The following PRKDC variants were observed in gnomAD, a reference collection of about 807,000 sequenced individuals.
PRKDC encodes the protein DNA-dependent protein kinase catalytic subunit.
A neutral mutation model predicts 486.9 loss-of-function variants in PRKDC; 82 were observed. The ratio of observed to expected loss-of-function variants is 0.17; its 90% CI spans 0.14 to 0.20. The LOEUF (loss-of-function observed/expected upper bound fraction) is 0.20, where lower values mean the gene tolerates loss of function less well. Among genes scored for constraint, PRKDC ranks in the 10% least tolerant of loss-of-function variants. PRKDC has a pLI of 1.00. For synonymous variants in PRKDC, 1,895 were observed against 1,837.0 expected (o/e 1.03, Z -0.81); for missense variants, 4,504 against 5,038.2 (o/e 0.89, Z 3.21).
rs777925179 is a variant in PRKDC, at chr8:47,857,201, C to A, written c.6564G>T (p.Glu2188Asp). 1 of 1,614,004 alleles carries A rather than the reference C, an allele frequency of 6.2e-7. No homozygotes were observed. Among genetic ancestry groups the A allele is most frequent in the Non-Finnish European group, 8.5e-7 (1 of 1,179,878 alleles). ...TCCATGAAAGAATAGTGGCCACTAT[C>A]TCAACCACCATGTAGTGAATTCCTT... ...GGEGIHYMVV[E>D]IVATILSWTG... The change falls in exon 49 of 86, where the codon GAG becomes GAT. Residue 2188 changes from glutamate (E) to aspartate (D), a missense_variant. Transcript: ENST00000314191.
rs2090206895 is a variant in PRKDC, at chr8:47,929,130, A to G, written c.2101T>C (p.Tyr701His). The G allele has an allele frequency of 1.3e-6, 2 of 1,578,118 alleles. No individual in the cohort carries two copies. The highest frequency in any genetic ancestry group is 8.6e-7 in the Non-Finnish European group (1 of 1,160,072). Reference sequence around the variant, plus strand: ...TTCACAAATAAAGCAAAGCAAGAATACTTTTCTGGGTCTTCAGGAGAGTGT... The same window carrying G: ...TTCACAAATAAAGCAAAGCAAGAATGCTTTTCTGGGTCTTCAGGAGAGTGT... ...LKHSPEDPEK[Y>H]SCFALFVKFG... The change falls in exon 19 of 86, where the codon TAT becomes CAT. Residue 701 changes from tyrosine to histidine, a missense_variant. Physicochemically the swap from Tyr to His is moderately conservative, Grantham distance 83. Coordinates refer to ENST00000314191, the MANE Select transcript of PRKDC (RefSeq NM_006904.7).
intron 61 of PRKDC, 92 bp from the exon 62 acceptor site, chr8:47,828,439 T>C (rs2154499300): frequency 2.8e-6 from 3 of 1,058,272 alleles, no homozygotes; most frequent in South Asian, 3.5e-5. Flanking sequence ...ATACAAACTG[T>C]TGCAAACACA....
In PRKDC at chr8:47,930,022, C is replaced by A. The variant is rs759945659; in HGVS notation, c.1893-10G>T. 5 of 1,590,878 alleles carry A rather than the reference C, an allele frequency of 3.1e-6. No homozygotes were observed. The Admixed American group carries it at 9.3e-5, about 30-fold the overall frequency. On this transcript the variant is annotated splice_polypyrimidine_tract_variant and intron_variant, in intron 17 of 85. Coordinates refer to ENST00000314191, the MANE Select transcript of PRKDC (RefSeq NM_006904.7). ...CTCAGGGAGAATCTCTCTGTAAAAACAAATTAGAAATTGAAGGTAGAAATT... is the reference window on the plus strand; with the variant it reads ...CTCAGGGAGAATCTCTCTGTAAAAAAAAATTAGAAATTGAAGGTAGAAATT...
chr8:47,840,188 C>T lies in PRKDC; in HGVS notation c.7282G>A (p.Asp2428Asn). ...KDFVQVMRHR[D>N]DERQKVCLDI... is the part of the protein sequence containing the mutation. ...AAACATACTTTTTGTCTTTCATCAT[C>T]TCTATGGGAGAGATTTTAAAAACAC... Residue 2428 changes from aspartate (D) to asparagine (N), a missense_variant and splice_region_variant, in exon 55 of 86, where the codon GAT (aspartate) becomes AAT (asparagine). Transcript: ENST00000314191. The T allele has an allele frequency of 6.3e-7, 1 of 1,591,172 alleles. No homozygotes were observed. The highest frequency in any genetic ancestry group is 8.6e-7 in the Non-Finnish European group (1 of 1,166,800).
intron 3 of PRKDC, 41 bp downstream of exon 3, chr8:47,957,130 G>A (rs757319095): frequency 1.5e-5 from 19 of 1,301,980 alleles, no homozygotes; most frequent in Non-Finnish European, 1.8e-5. Context: ...TAAAACAGAT[G>A]TTGATATATA....
intron 53 of PRKDC, 28 bp from the exon 54 acceptor site, chr8:47,849,331 A>C (rs543337348): frequency 6.2e-7 from 1 of 1,613,878 alleles, no homozygotes; most frequent in East Asian, 2.2e-5. Context: ...TGGTGAGAGG[A>C]GGGCCGAGGA....
intron 20 of PRKDC, 57 bp downstream of exon 20, chr8:47,927,714 G>A: frequency 7.0e-7 from 1 of 1,430,426 alleles, no homozygotes; most frequent in Non-Finnish European, 9.2e-7. Flanking sequence ...GTGTTTCTAT[G>A]TGCTCTGGGA....
chr8:47,883,875 T>A (rs1209567787), intron 36 of PRKDC, among the ~76,000 whole-genome samples: 1 of 152,264 alleles, frequency 6.6e-6, no homozygotes, highest in Non-Finnish European at 1.5e-5. Context: ...GCCCCTGGGC[T>A]GCCGGCTCAC....
At position 47,834,144 on chromosome 8, in the gene PRKDC, G is replaced by T; in HGVS notation, c.8152+52C>A. ...AGAAATGTCCCCAGACCTGAGCTCT[G>T]CAGTAATTTAGTGGGGAAGCTATTT... On this transcript the variant is annotated intron_variant, in intron 59 of 85. Transcript: ENST00000314191. The T allele has an allele frequency of 1.3e-6, 2 of 1,593,140 alleles. 1 individual carries two copies. Among genetic ancestry groups the T allele is most frequent in the African/African-American group, 2.7e-5 (2 of 74,568 alleles).
At chr8:47,906,132 G>A (rs555663042) in intron 25 of PRKDC, among the ~76,000 whole-genome samples, 1 of 152,158 alleles carries the variant, frequency 6.6e-6, no homozygotes, top group South Asian at 2.1e-4. Context: ...AGGGTCTTTT[G>A]AAGCCACTTC....
chr8:47,892,856 G>GT (rs936175029), intron 31 of PRKDC, among the ~76,000 whole-genome samples: 15 of 151,954 alleles, frequency 9.9e-5, no homozygotes, highest in Admixed American at 7.2e-4. Context: ...CATGGAATAC[G>GT]TTTTTTTTAA....
chr8:47,896,052 T>A (rs1410463971), intron 30 of PRKDC, among the ~76,000 whole-genome samples: 7 of 151,884 alleles, frequency 4.6e-5, no homozygotes, highest in East Asian at 1.9e-4. Context: ...GGAAAAAAAA[T>A]TTTTTTAAAT....
intron 26 of PRKDC, 94 bp downstream of exon 26, chr8:47,904,775 G>A (rs1400724695): frequency 2.2e-5 from 22 of 1,002,832 alleles, no homozygotes; most frequent in Middle Eastern, 3.1e-4. Context: ...CCTGGGCGAC[G>A]GAGCAAGACT....
chr8:47,837,481 G>A, intron 56 of PRKDC, 62 bp from the exon 57 acceptor site: 5 of 1,332,406 alleles, frequency 3.8e-6, no homozygotes, highest in Non-Finnish European at 4.2e-6. Context: ...AGAATGTGCT[G>A]TACAGGGTGT....
chr8:47,835,834 A>ATCAC (rs2088009135), intron 58 of PRKDC, among the ~76,000 whole-genome samples: 3 of 151,390 alleles, frequency 2.0e-5, no homozygotes, highest in Non-Finnish European at 4.4e-5. Flanking sequence ...GTGATCACAG[A>ATCAC]TCACTGCAGC....
intron 66 of PRKDC, among the ~76,000 whole-genome samples, chr8:47,820,477 A>G (rs767673818): frequency 1.3e-5 from 2 of 152,062 alleles, no homozygotes; most frequent in Non-Finnish European, 2.9e-5. Context: ...CCTTTCTAAA[A>G]TAGAAAAAAA....
At chr8:47,794,819 T>C (rs546231318) in intron 73 of PRKDC, among the ~76,000 whole-genome samples, 3 of 152,336 alleles carry the variant, frequency 2.0e-5, no homozygotes, top group Non-Finnish European at 4.4e-5. Flanking sequence ...TGTTTACTGC[T>C]CTATAATGAA....
intron 80 of PRKDC, among the ~76,000 whole-genome samples, chr8:47,779,979 A>G (rs949053889): frequency 3.4e-5 from 5 of 147,994 alleles, no homozygotes; most frequent in African/African-American, 5.0e-5. Flanking sequence ...CATTGGTGCA[A>G]TCTCGGCTTG....
In PRKDC at chr8:47,902,568, C is replaced by A; in HGVS notation, c.3269+1G>T. On this transcript the variant is annotated splice_donor_variant, in intron 27 of 85. Transcript: ENST00000314191. LOFTEE classifies it high-confidence loss of function. ...TCTTCTCTGTTGTGTAGCTTACAAA[C>A]CTGAATTCCCTGTAGATATTATTAA... is the stretch of plus-strand genomic sequence containing the variant. 1 of 1,555,214 alleles carries A rather than the reference C, an allele frequency of 6.4e-7. No individual in the cohort carries two copies. The highest frequency in any genetic ancestry group is 2.0e-5 in the Admixed American group (1 of 50,502).
Sources: gnomAD v4.1 joint callset for allele counts (sites outside exome capture counted in the v4.1 genomes callset) on GRCh38, gnomAD v4.1.1 for gene constraint, MANE v1.5 for transcripts, NCBI Gene and HGNC (gene_info 2026-07-23, HGNC 2026-07-21) for gene names.